SLC25A21: variants seen among roughly 807,000 people sequenced by gnomAD.
The protein encoded by SLC25A21 is mitochondrial 2-oxodicarboxylate carrier.
A neutral mutation model predicts 43.8 loss-of-function variants in SLC25A21; 47 were observed. That is an observed-to-expected ratio of 1.07 (90% CI 0.85 to 1.37). The LOEUF is 1.37. Among genes scored for constraint, SLC25A21 ranks in the 40% most tolerant of loss-of-function variants. The pLI is 0.00. For missense variants in SLC25A21, 352 were observed against 350.2 expected (o/e 1.00, Z -0.04); for synonymous variants, 131 against 121.3 (o/e 1.08, Z -0.52).
chr14:36,923,400 GCCGGCA>G (rs1892035861), intron 1 of SLC25A21, among the ~76,000 whole-genome samples: 1 of 152,032 alleles, frequency 6.6e-6, no homozygotes, highest in Non-Finnish European at 1.5e-5. Context: ...AGCATTCATT[GCCGGCA>G]CCTGTACACT....
intron 3 of SLC25A21, among the ~76,000 whole-genome samples, chr14:36,741,248 G>A (rs1885246099): frequency 6.6e-6 from 1 of 152,058 alleles, no homozygotes; most frequent in South Asian, 2.1e-4. Flanking sequence ...AAGTTACTAG[G>A]CTACTAGGTT....
At chr14:37,056,794 A>C (rs1961840377) in intron 1 of SLC25A21, among the ~76,000 whole-genome samples, 1 of 152,162 alleles carries the variant, frequency 6.6e-6, no homozygotes, top group Admixed American at 6.6e-5. Context: ...CATATCCATC[A>C]CACCTTTCCA....
At chr14:36,758,990 A>G (rs1009950001) in intron 3 of SLC25A21, among the ~76,000 whole-genome samples, 1 of 152,190 alleles carries the variant, frequency 6.6e-6, no homozygotes, top group Admixed American at 6.5e-5. Flanking sequence ...CAACCCAGAG[A>G]CACATGGGCA....
At chr14:36,818,131 T>C (rs1026537610) in intron 2 of SLC25A21, among the ~76,000 whole-genome samples, 6 of 152,112 alleles carry the variant, frequency 3.9e-5, no homozygotes, top group African/African-American at 7.2e-5. Context: ...TTAGAAATAG[T>C]GTTTCAGAGT....
chr14:37,076,507 G>C (rs1962284554), intron 1 of SLC25A21, among the ~76,000 whole-genome samples: 1 of 147,072 alleles, frequency 6.8e-6, no homozygotes, highest in Non-Finnish European at 1.5e-5. Context: ...TTTTGTTTTT[G>C]AGGCAGAGTC....
At chr14:37,145,476 C>CACACAGAGAGAG (rs780734735) in intron 1 of SLC25A21, among the ~76,000 whole-genome samples, 12 of 143,564 alleles carry the variant, frequency 8.4e-5, no homozygotes, top group African/African-American at 3.2e-4. Context: ...CACACACACA[C>CACACAGAGAGAG]AGAGAGATGA....
intron 3 of SLC25A21, among the ~76,000 whole-genome samples, chr14:36,800,616 A>G (rs1887837924): frequency 6.6e-6 from 1 of 152,160 alleles, no homozygotes; most frequent in African/African-American, 2.4e-5. Flanking sequence ...TTAAGGGTAC[A>G]GATTTTCTGT....
At chr14:37,033,597 G>A (rs1961265118) in intron 1 of SLC25A21, among the ~76,000 whole-genome samples, 1 of 152,190 alleles carries the variant, frequency 6.6e-6, no homozygotes, top group African/African-American at 2.4e-5. Flanking sequence ...CTATGGGTCT[G>A]TAAGAGATTA....
intron 1 of SLC25A21, among the ~76,000 whole-genome samples, chr14:37,129,659 T>C (rs1469156185): frequency 2.0e-5 from 3 of 149,170 alleles, no homozygotes; most frequent in Non-Finnish European, 4.4e-5. Context: ...TAAATAACCA[T>C]TAAGTAACAG....
chr14:36,774,578 C>CTT (rs572212246), intron 3 of SLC25A21, among the ~76,000 whole-genome samples: 1 of 146,214 alleles, frequency 6.8e-6, no homozygotes, highest in East Asian at 2.0e-4. Context: ...ATTTTAGAGA[C>CTT]TTTTTTTTTT....
chr14:37,017,694 GCTT>G (rs1960892827), intron 1 of SLC25A21, among the ~76,000 whole-genome samples: 2 of 151,822 alleles, frequency 1.3e-5, no homozygotes, highest in African/African-American at 4.8e-5. Context: ...AATGTTTTTT[GCTT>G]CTTCATTTCT....
chr14:36,929,751 G>A (rs1290940635), intron 1 of SLC25A21, among the ~76,000 whole-genome samples: 5 of 152,104 alleles, frequency 3.3e-5, no homozygotes, highest in African/African-American at 7.2e-5. Context: ...ACTATAGCTC[G>A]TCTCCAAGAA....
chr14:36,924,119 G>A (rs1013169714), intron 1 of SLC25A21, among the ~76,000 whole-genome samples: 4 of 152,012 alleles, frequency 2.6e-5, no homozygotes, highest in Non-Finnish European at 2.9e-5. Context: ...TCAGTGTGGC[G>A]ATTCCTCAGG....
At position 36,725,521 on chromosome 14, in the gene SLC25A21, A is replaced by G. The variant is rs770629825; in HGVS notation, c.438+49T>C. Reference sequence around the variant, plus strand: ...TAAATAAATAAATAAATAAATAAATAAATAAATTTTTACATGCCCCTAACA... The same window carrying G: ...TAAATAAATAAATAAATAAATAAATGAATAAATTTTTACATGCCCCTAACA... On this transcript the variant is annotated intron_variant, in intron 6 of 9. Transcript: ENST00000331299. The G allele has an allele frequency of 1.1e-5, 8 of 699,200 alleles. No individual in the cohort carries two copies. The South Asian group carries it at 2.7e-4, about 24-fold the overall frequency. 43.3% of individuals were successfully genotyped at this position (699,200 alleles called of 1,614,324 possible).
intron 3 of SLC25A21, among the ~76,000 whole-genome samples, chr14:36,804,665 G>A (rs1163639546): frequency 6.6e-6 from 1 of 152,160 alleles, no homozygotes; most frequent in African/African-American, 2.4e-5. Context: ...AGACCAGCGG[G>A]AAAGGCAAAG....
At position 37,000,883 on chromosome 14, in the gene SLC25A21, C is replaced by A. The variant is rs184518075; in HGVS notation, c.71-125879G>T. Among the ~76,000 whole-genome samples the A allele has an allele frequency of 1.2e-3, 183 of 152,228 alleles. 1 individual carries two copies. Among genetic ancestry groups the A allele is most frequent in the African/African-American group, 4.4e-3 (183 of 41,542 alleles). On this transcript the variant is annotated intron_variant, in intron 1 of 9. Transcript: ENST00000331299. ...AGCCATGATTGTAAGTTTCCTGAGG[C>A]CTCCCAGTCATGCTTCCTGTTCAGT...
intron 3 of SLC25A21, among the ~76,000 whole-genome samples, chr14:36,738,452 C>A (rs1303807292): frequency 6.6e-6 from 1 of 152,108 alleles, no homozygotes; most frequent in Admixed American, 6.5e-5. Flanking sequence ...TTGGTGACAC[C>A]CATTGTTAAC....
intron 2 of SLC25A21, chr14:36,870,506 T>C (rs1566692640): frequency 6.6e-6 from 1 of 152,190 alleles, no homozygotes; most frequent in African/African-American, 2.4e-5. Flanking sequence ...CTTTACAGCA[T>C]GTCTCTTTCT....
At chr14:37,017,340 T>C (rs182222636) in intron 1 of SLC25A21, among the ~76,000 whole-genome samples, 1 of 152,008 alleles carries the variant, frequency 6.6e-6, no homozygotes, top group Non-Finnish European at 1.5e-5. Flanking sequence ...CAAGGAGAGG[T>C]AGACAGAGAA....
Sources: allele counts gnomAD v4.1 joint callset (sites outside exome capture counted in the v4.1 genomes callset), GRCh38; gene constraint gnomAD v4.1.1; transcripts MANE v1.5; gene names NCBI Gene and HGNC (gene_info 2026-07-23, HGNC 2026-07-21).